SPRED2: variants seen among roughly 807,000 people sequenced by gnomAD.
SPRED2 encodes sprouty-related, EVH1 domain-containing protein 2.
SPRED2 carries 47 observed loss-of-function variants against 43.0 expected under a neutral mutation model. The observed-to-expected ratio is 1.09, with a 90% CI of 0.87 to 1.40. The LOEUF (loss-of-function observed/expected upper bound fraction) is 1.40. SPRED2 is among the 40% of genes most tolerant of loss of function. SPRED2 has a pLI of 0.00. For synonymous variants in SPRED2, 225 were observed against 225.7 expected (o/e 1.00, Z 0.03); for missense variants, 561 against 586.4 (o/e 0.96, Z 0.45).
intron 4 of SPRED2, among the ~76,000 whole-genome samples, chr2:65,328,114 C>T (rs909455584): frequency 6.6e-6 from 1 of 152,144 alleles, no homozygotes; most frequent in African/African-American, 2.4e-5. Flanking sequence ...TTACTTGTCA[C>T]CCCTTCCCTC....
At chr2:65,427,157 G>C (rs13396987) in intron 1 of SPRED2, among the ~76,000 whole-genome samples, 1 of 151,924 alleles carries the variant, frequency 6.6e-6, no homozygotes, top group Non-Finnish European at 1.5e-5. Flanking sequence ...TTGCAGCCTC[G>C]ACCTCCTGGC....
At chr2:65,320,102 A>G (rs139492928) in intron 4 of SPRED2, among the ~76,000 whole-genome samples, 1 of 152,368 alleles carries the variant, frequency 6.6e-6, no homozygotes, top group Non-Finnish European at 1.5e-5. Flanking sequence ...ACAGATCTCA[A>G]TAAATACCTC....
chr2:65,429,101 G>A (rs1024600644), intron 1 of SPRED2, among the ~76,000 whole-genome samples: 2 of 152,156 alleles, frequency 1.3e-5, no homozygotes, highest in Non-Finnish European at 2.9e-5. Flanking sequence ...CCATATATTA[G>A]AAGAATTTTA....
chr2:65,431,645 C>G (rs1235527571), intron 1 of SPRED2, among the ~76,000 whole-genome samples: 2 of 152,188 alleles, frequency 1.3e-5, no homozygotes, highest in Non-Finnish European at 2.9e-5. Flanking sequence ...CTCTAGCCGC[C>G]GAGGATTTCG....
At chr2:65,342,152 T>C (rs983194458) in intron 2 of SPRED2, among the ~76,000 whole-genome samples, 21 of 149,360 alleles carry the variant, frequency 1.4e-4, no homozygotes, top group African/African-American at 4.9e-4. Context: ...ATTTTATATG[T>C]ATATTTTATA....
At chr2:65,372,196 CTG>C (rs1265150264) in intron 1 of SPRED2, among the ~76,000 whole-genome samples, 1 of 152,198 alleles carries the variant, frequency 6.6e-6, no homozygotes, top group African/African-American at 2.4e-5. Context: ...AAAGCCCACT[CTG>C]TGTGGGGTGC....
At chr2:65,422,104 A>ACACACACACT (rs1299857849) in intron 1 of SPRED2, among the ~76,000 whole-genome samples, 4,363 of 128,854 alleles carry the variant, frequency 0.034, 99 homozygotes, top group Non-Finnish European at 0.05. Flanking sequence ...ACACACACAC[A>ACACACACACT]CTCTCTCTCT....
intron 3 of SPRED2, 138 bp from the exon 4 acceptor site, chr2:65,332,189 A>T: frequency 1.9e-6 from 1 of 529,252 alleles, no homozygotes. Context: ...GTTACCTGGG[A>T]ATTGAGTGCT....
intron 1 of SPRED2, among the ~76,000 whole-genome samples, chr2:65,378,332 C>T (rs1045330460): frequency 1.3e-5 from 2 of 152,092 alleles, no homozygotes; most frequent in South Asian, 2.1e-4. Flanking sequence ...CATGGTATTG[C>T]GGTTCTTGTT....
intron 2 of SPRED2, among the ~76,000 whole-genome samples, chr2:65,343,688 G>C (rs544884105): frequency 3.6e-4 from 55 of 152,292 alleles, no homozygotes; most frequent in African/African-American, 1.3e-3. Flanking sequence ...ATTTAAAACA[G>C]ATTTTGGACA....
chr2:65,332,003 T>G lies in SPRED2; in HGVS notation c.422A>C (p.Asp141Ala). 1 of 1,609,152 alleles carries G rather than the reference T, an allele frequency of 6.2e-7. No individual in the cohort carries two copies. The highest frequency in any genetic ancestry group is 2.2e-5 in the East Asian group (1 of 44,736). ...STIHNEAELG[D>A]DDVFTTATDS... The stretch of plus-strand genomic sequence containing the variant: ...GAAACTTACTGTAAAAACGTCATCA[T>G]CGCCAAGCTCAGCTTCATTATGGAT... The change falls in exon 4 of 6, where the codon GAT becomes GCT. Residue 141 changes from aspartate (D) to alanine (A), a missense_variant. Asp to Ala is a moderately radical substitution (Grantham distance 126, BLOSUM62 -2). Coordinates refer to ENST00000356388, the MANE Select transcript of SPRED2 (RefSeq NM_181784.3).
intron 1 of SPRED2, among the ~76,000 whole-genome samples, chr2:65,376,250 C>T (rs1021132161): frequency 6.6e-6 from 1 of 152,146 alleles, no homozygotes; most frequent in African/African-American, 2.4e-5. Context: ...CAGGAGCCAA[C>T]CATGTATTTA....
At chr2:65,374,360 T>G (rs1490260880) in intron 1 of SPRED2, among the ~76,000 whole-genome samples, 1 of 152,340 alleles carries the variant, frequency 6.6e-6, no homozygotes, top group East Asian at 1.9e-4. Context: ...GTTGATCAAG[T>G]TCCTTGTACA....
rs768620661 is a variant in SPRED2, at chr2:65,313,927, G to A, written c.831C>T (p.Gly277=). Residue 277 remains glycine, a synonymous_variant, in exon 6 of 6, where the codon GGC becomes GGT. Transcript: ENST00000356388. ...PYVDSSDFGL[G]EDPKGRGGSV... Reference sequence around the variant, plus strand: ...TGCCCCCGCGGCCTTTGGGGTCCTCGCCTAGGCCAAAGTCTGAGGAGTCCA... The same window carrying A: ...TGCCCCCGCGGCCTTTGGGGTCCTCACCTAGGCCAAAGTCTGAGGAGTCCA... The A allele has an allele frequency of 1.2e-6, 2 of 1,611,006 alleles. No homozygotes were observed. The highest frequency in any genetic ancestry group is 1.7e-6 in the Non-Finnish European group (2 of 1,179,994).
At chr2:65,412,203 A>C (rs1676179104) in intron 1 of SPRED2, among the ~76,000 whole-genome samples, 1 of 152,176 alleles carries the variant, frequency 6.6e-6, no homozygotes, top group African/African-American at 2.4e-5. Context: ...TAGGAGGTGA[A>C]TCTCAAACTG....
chr2:65,389,162 G>A (rs1274085655), intron 1 of SPRED2, among the ~76,000 whole-genome samples: 2 of 151,856 alleles, frequency 1.3e-5, no homozygotes, highest in African/African-American at 2.4e-5. Context: ...CCAGGCCCGA[G>A]AGTTCAATTC....
intron 1 of SPRED2, among the ~76,000 whole-genome samples, chr2:65,391,975 G>GT (rs1292087513): frequency 2.0e-5 from 3 of 151,684 alleles, no homozygotes; most frequent in Admixed American, 6.6e-5. Flanking sequence ...TTAGCCTGGT[G>GT]TTTTTTTAAA....
chr2:65,369,918 A>T (rs1312285599), intron 1 of SPRED2, among the ~76,000 whole-genome samples: 1 of 152,252 alleles, frequency 6.6e-6, no homozygotes, highest in Admixed American at 6.5e-5. Flanking sequence ...CCAGGACTTC[A>T]TGTATTCATT....
downstream of SPRED2, among the ~76,000 whole-genome samples, chr2:65,309,099 T>A (rs1184790370): frequency 3.4e-5 from 5 of 147,968 alleles, no homozygotes; most frequent in Admixed American, 6.8e-5. Flanking sequence ...AAGGGTGCAG[T>A]AAGCCAAGAT....
Sources: gnomAD v4.1 joint callset for allele counts (sites outside exome capture counted in the v4.1 genomes callset) on GRCh38, gnomAD v4.1.1 for gene constraint, MANE v1.5 for transcripts, NCBI Gene and HGNC (gene_info 2026-07-23, HGNC 2026-07-21) for gene names.